PMFBP1: variants seen among roughly 807,000 people sequenced by gnomAD.
The protein encoded by PMFBP1 is polyamine-modulated factor 1-binding protein 1.
A neutral mutation model predicts 137.8 loss-of-function variants in PMFBP1; 131 were observed. The ratio of observed to expected loss-of-function variants is 0.95; its 90% CI spans 0.82 to 1.10. The LOEUF (loss-of-function observed/expected upper bound fraction) is 1.10, where lower values mean the gene tolerates loss of function less well. Ranked by LOEUF, PMFBP1 falls within the 50% of genes least tolerant of loss-of-function variation. The probability of loss-of-function intolerance (pLI) is 0.00; values close to 1 mark genes in which losing one functional copy is unlikely to be tolerated. For synonymous variants in PMFBP1, 490 were observed against 450.4 expected, an observed-to-expected ratio of 1.09 and a Z score of -1.11; for missense variants, 1,199 against 1,175.4, an observed-to-expected ratio of 1.02 and a Z score of -0.29.
At chr16:72,176,760 T>G (rs1475515471), upstream of PMFBP1, 1 of 152,250 alleles carries the variant, frequency 6.6e-6, no homozygotes, top group African/African-American at 2.4e-5. Flanking sequence ...TAATGCAAGC[T>G]GACACTGACA....
chr16:72,133,170 G>A (rs1300024196), intron 9 of PMFBP1, among the ~76,000 whole-genome samples, 179 bp from the exon 10 acceptor site: 1 of 152,036 alleles, frequency 6.6e-6, no homozygotes, highest in Non-Finnish European at 1.5e-5. Flanking sequence ...GAGAGAGGGA[G>A]TCTTTATAAT....
chr16:72,125,040 G>T, intron 16 of PMFBP1, 106 bp from the exon 17 acceptor site: 2 of 1,448,976 alleles, frequency 1.4e-6, no homozygotes, highest in Non-Finnish European at 1.9e-6. Context: ...CGTGTTGGGG[G>T]TATTTTCTTC....
chr16:72,175,637 G>T (rs2043256469), upstream of PMFBP1, among the ~76,000 whole-genome samples: 1 of 152,188 alleles, frequency 6.6e-6, no homozygotes, highest in Non-Finnish European at 1.5e-5. Flanking sequence ...TCAGGAAAGA[G>T]ATGCTTTTTT....
Position 72,139,377 on chromosome 16 carries a change from A to G in PMFBP1, c.830T>C (p.Leu277Ser). ...NALVLEREKALIKLQADFASC... is the reference protein window; with the variant it reads ...NALVLEREKASIKLQADFASC... ...AGCAAAATCGGCTTGTAGTTTTATC[A>G]AAGCCTTTTCACGCTCCAGAACCTG... is the stretch of plus-strand genomic sequence containing the variant. The change falls in exon 7 of 21, where the codon TTG becomes TCG. Residue 277 changes from leucine (L) to serine (S), a missense_variant. By Grantham distance (145) the Leu-to-Ser change is moderately radical. Transcript: ENST00000237353. The G allele has an allele frequency of 6.2e-7, 1 of 1,614,006 alleles. No homozygotes were observed. The highest frequency in any genetic ancestry group is 1.1e-5 in the South Asian group (1 of 91,030).
At chr16:72,220,944 C>A in the PMFBP1 span, among the ~76,000 whole-genome samples, 1 of 152,208 alleles carries the variant, frequency 6.6e-6, no homozygotes, top group Non-Finnish European at 1.5e-5. Context: ...CCACTGACTG[C>A]TCCCCAGAAC....
the PMFBP1 span, among the ~76,000 whole-genome samples, chr16:72,239,808 C>T: frequency 1.3e-5 from 2 of 150,296 alleles, no homozygotes. Flanking sequence ...ATCGCTTAAA[C>T]CCAGGAGGCG....
At chr16:72,153,969 C>A (rs1442992787) in intron 4 of PMFBP1, among the ~76,000 whole-genome samples, 1 of 150,344 alleles carries the variant, frequency 6.7e-6, no homozygotes, top group East Asian at 1.9e-4. Flanking sequence ...CACATGCCTG[C>A]ACACACACTC....
chr16:72,136,084 A>G lies in PMFBP1; in HGVS notation c.1203+364T>C, dbSNP rs144305751. On this transcript the variant is annotated intron_variant, in intron 9 of 20. Coordinates refer to ENST00000237353, the MANE Select transcript of PMFBP1 (RefSeq NM_031293.3). ...ATTTGTAATTTTAAAAGTGAAATTCACTTGAAATTCTTAGTAAGGCTACCT... is the reference window on the plus strand; with the variant it reads ...ATTTGTAATTTTAAAAGTGAAATTCGCTTGAAATTCTTAGTAAGGCTACCT... Among the ~76,000 whole-genome samples, 98 of 152,198 alleles carry G rather than the reference A, an allele frequency of 6.4e-4. 1 individual carries two copies. The highest frequency in any genetic ancestry group is 2.0e-3 in the African/African-American group (85 of 41,540).
the PMFBP1 span, among the ~76,000 whole-genome samples, chr16:72,237,625 A>G: frequency 4.8e-4 from 73 of 151,500 alleles, no homozygotes; most frequent in African/African-American, 1.7e-3. Flanking sequence ...ATCCTAGCCA[A>G]CTCTATATGT....
intron 3 of PMFBP1, among the ~76,000 whole-genome samples, chr16:72,157,193 A>C (rs1183495510): frequency 6.8e-5 from 10 of 147,006 alleles, no homozygotes; most frequent in Admixed American, 2.0e-4. Flanking sequence ...CAAAAAAAAA[A>C]AAAAAAAAAA....
At chr16:72,136,367 G>A (rs1416347024) in intron 9 of PMFBP1, 81 bp downstream of exon 9, 8 of 1,506,566 alleles carry the variant, frequency 5.3e-6, no homozygotes. Context: ...ATAATGGTGG[G>A]TGAAGGCAGA....
At chr16:72,192,840 C>T in the PMFBP1 span, among the ~76,000 whole-genome samples, 95 of 149,598 alleles carry the variant, frequency 6.4e-4, no homozygotes, top group East Asian at 6.1e-3. Flanking sequence ...AGGCGAAAGT[C>T]GCAGTGAGCC....
chr16:72,247,063 C>G, the PMFBP1 span, among the ~76,000 whole-genome samples: 1 of 152,116 alleles, frequency 6.6e-6, no homozygotes, highest in African/African-American at 2.4e-5. Context: ...TTTACCTGTC[C>G]GATGAAGAGG....
At chr16:72,235,455 T>A in the PMFBP1 span, among the ~76,000 whole-genome samples, 1 of 151,920 alleles carries the variant, frequency 6.6e-6, no homozygotes, top group African/African-American at 2.4e-5. Flanking sequence ...AAGTGAGAGG[T>A]CTCTAACAAT....
In PMFBP1 at chr16:72,119,165, T is replaced by A; in HGVS notation, c.*173A>T. 1 of 687,092 alleles carries A rather than the reference T, an allele frequency of 1.5e-6. No homozygotes were observed. Among genetic ancestry groups the A allele is most frequent in the South Asian group, 1.9e-5 (1 of 52,878 alleles). The allele number at this position is 687,092 out of a possible 1,614,324, so 42.6% of individuals were successfully genotyped here. ...ATGGTAGTATGGTTCTAAAGCTCAC[T>A]CCATGGCAGGAAGTGGACAAAACTC... On this transcript the variant is annotated 3_prime_UTR_variant, in exon 21 of 21. Transcript: ENST00000237353.
At chr16:72,218,886 G>A in the PMFBP1 span, among the ~76,000 whole-genome samples, 2 of 152,088 alleles carry the variant, frequency 1.3e-5, no homozygotes, top group Non-Finnish European at 2.9e-5. Flanking sequence ...CGCAGGCTTA[G>A]GAAGTAACCC....
At chr16:72,125,843 A>T (rs2042447188) in intron 15 of PMFBP1, 125 bp downstream of exon 15, 2 of 1,233,306 alleles carry the variant, frequency 1.6e-6, no homozygotes, top group Non-Finnish European at 2.3e-6. Flanking sequence ...ATCCCAGCCC[A>T]CACAAGGGTT....
At chr16:72,188,574 A>G in the PMFBP1 span, among the ~76,000 whole-genome samples, 2 of 152,234 alleles carry the variant, frequency 1.3e-5, no homozygotes, top group Non-Finnish European at 2.9e-5. Flanking sequence ...TAAAGTACAC[A>G]CAGAGAAGGA....
chr16:72,192,817 G>T, the PMFBP1 span, among the ~76,000 whole-genome samples: 1 of 151,244 alleles, frequency 6.6e-6, no homozygotes, highest in Admixed American at 6.6e-5. Flanking sequence ...CAGCGGAATC[G>T]CTTGAACTCG....
Sources: allele counts gnomAD v4.1 joint callset (sites outside exome capture counted in the v4.1 genomes callset), GRCh38; gene constraint gnomAD v4.1.1; transcripts MANE v1.5; gene names NCBI Gene and HGNC (gene_info 2026-07-23, HGNC 2026-07-21).